The following RAB3GAP1 variants were observed in gnomAD, a reference collection of about 807,000 sequenced individuals.
RAB3GAP1 encodes rab3 GTPase-activating protein catalytic subunit.
A neutral mutation model predicts 130.7 loss-of-function variants in RAB3GAP1; 86 were observed. That is an observed-to-expected ratio of 0.66 (90% CI 0.55 to 0.79). The LOEUF is 0.79. RAB3GAP1 is among the 30% of genes least tolerant of loss of function. The probability of loss-of-function intolerance (pLI) is 0.00; values close to 1 mark genes in which losing one functional copy is unlikely to be tolerated. For missense variants in RAB3GAP1, 1,029 were observed against 1,169.4 expected (o/e 0.88, Z 1.75); for synonymous variants, 367 against 401.7 (o/e 0.91, Z 1.03).
intron 13 of RAB3GAP1, among the ~76,000 whole-genome samples, chr2:135,131,135 G>A (rs529447992): frequency 8.5e-5 from 13 of 152,234 alleles, no homozygotes; most frequent in African/African-American, 2.9e-4. Context: ...GGCTGGAGAA[G>A]TAGCAGGTAA....
chr2:135,082,639 C>T (rs1425501989), intron 3 of RAB3GAP1, among the ~76,000 whole-genome samples: 3 of 151,938 alleles, frequency 2.0e-5, no homozygotes, highest in Non-Finnish European at 4.4e-5. Flanking sequence ...TGGGGTTTCA[C>T]CATGTTGGTC....
intron 17 of RAB3GAP1, among the ~76,000 whole-genome samples, chr2:135,145,861 T>A (rs1691975345): frequency 6.6e-6 from 1 of 152,010 alleles, no homozygotes; most frequent in Admixed American, 6.5e-5. Flanking sequence ...GTACAAGGAG[T>A]TGTGTGCTTT....
chr2:135,122,672 T>C (rs925628043), intron 8 of RAB3GAP1, among the ~76,000 whole-genome samples: 1 of 152,162 alleles, frequency 6.6e-6, no homozygotes, highest in Non-Finnish European at 1.5e-5. Flanking sequence ...TATATCCCAT[T>C]TTGTATAATT....
At chr2:135,172,038 A>G (rs1464411151), downstream of RAB3GAP1, among the ~76,000 whole-genome samples, 1 of 152,218 alleles carries the variant, frequency 6.6e-6, no homozygotes, top group Non-Finnish European at 1.5e-5. Flanking sequence ...TGCAAGGGCC[A>G]GATGTGTAAA....
intron 3 of RAB3GAP1, among the ~76,000 whole-genome samples, chr2:135,084,032 G>T (rs1454078063): frequency 2.0e-5 from 3 of 152,000 alleles, no homozygotes; most frequent in South Asian, 4.1e-4. Context: ...ATCATCTGAG[G>T]TTAGGAGTTC....
Position 135,135,915 on chromosome 2 carries a change from T to A in RAB3GAP1, c.1906T>A (p.Tyr636Asn), listed in dbSNP as rs751227116. ...LTLLHNGEPL[Y>N]IPVTQEPAPM... ...ACTGCTGCATAATGGAGAACCTCTC[T>A]ACATTCCAGTAACCCAGGTAGGATG... The change falls in exon 17 of 24, where the codon TAC becomes AAC. Residue 636 changes from tyrosine (Y) to asparagine (N), a missense_variant. Physicochemically the swap from Tyr to Asn is moderately radical, Grantham distance 143. Coordinates refer to ENST00000264158, the MANE Select transcript of RAB3GAP1 (RefSeq NM_012233.3). The A allele has an allele frequency of 1.2e-6, 2 of 1,614,090 alleles. No homozygotes were observed. The highest frequency in any genetic ancestry group is 3.3e-5 in the Admixed American group (2 of 60,034).
chr2:135,093,527 A>G (rs1690204667), intron 4 of RAB3GAP1, 88 bp from the exon 5 acceptor site: 1 of 964,938 alleles, frequency 1.0e-6, no homozygotes, highest in Non-Finnish European at 1.7e-6. Flanking sequence ...TGCATGATCT[A>G]GCAAGACATG....
intron 5 of RAB3GAP1, among the ~76,000 whole-genome samples, chr2:135,105,577 C>G (rs989259912): frequency 1.3e-5 from 2 of 151,988 alleles, no homozygotes; most frequent in African/African-American, 2.4e-5. Context: ...GATCTCGGCT[C>G]GCTACAACCT....
chr2:135,118,279 A>G (rs953080144), intron 7 of RAB3GAP1, among the ~76,000 whole-genome samples: 1 of 134,064 alleles, frequency 7.5e-6, no homozygotes, highest in Non-Finnish European at 1.7e-5. Context: ...AGCAGTAGTT[A>G]AAAAAAAAAG....
intron 3 of RAB3GAP1, among the ~76,000 whole-genome samples, chr2:135,065,029 C>T (rs758899670): frequency 6.6e-6 from 1 of 151,218 alleles, no homozygotes; most frequent in Non-Finnish European, 1.5e-5. Flanking sequence ...TCTTTGTCAT[C>T]GTACCCTAGA....
chr2:135,168,747 C>G lies in RAB3GAP1; in HGVS notation c.2912C>G (p.Ala971Gly). The G allele has an allele frequency of 6.2e-7, 1 of 1,614,144 alleles. No individual in the cohort carries two copies. Among genetic ancestry groups the G allele is most frequent in the East Asian group, 2.2e-5 (1 of 44,872 alleles). Residue 971 changes from alanine (A) to glycine (G), a missense_variant, in exon 24 of 24, where the codon GCA (alanine) becomes GGA (glycine). Physicochemically the swap from Ala to Gly is moderately conservative, Grantham distance 60. Coordinates refer to ENST00000264158, the MANE Select transcript of RAB3GAP1 (RefSeq NM_012233.3). Reference protein sequence around the residue: ...SVLTKEDFRLAGAFSSDTSFF With the variant: ...SVLTKEDFRLGGAFSSDTSFF The stretch of plus-strand genomic sequence containing the variant: ...CTCACCAAAGAGGACTTTAGACTTG[C>G]AGGTGCCTTTTCATCAGATACTTCC...
chr2:135,146,638 T>C (rs748532969), intron 17 of RAB3GAP1, among the ~76,000 whole-genome samples: 4 of 152,236 alleles, frequency 2.6e-5, no homozygotes, highest in African/African-American at 4.8e-5. Context: ...TTAACAGCAT[T>C]GCTAATACAA....
At chr2:135,065,044 CCT>C (rs918174144) in intron 3 of RAB3GAP1, among the ~76,000 whole-genome samples, 2 of 151,884 alleles carry the variant, frequency 1.3e-5, no homozygotes, top group African/African-American at 4.8e-5. Context: ...CCTAGAATCT[CCT>C]CTGCACATGC....
At chr2:135,107,939 C>T (rs1231953426) in intron 5 of RAB3GAP1, among the ~76,000 whole-genome samples, 1 of 128,606 alleles carries the variant, frequency 7.8e-6, no homozygotes, top group Non-Finnish European at 1.5e-5. Context: ...TGTGCCATTG[C>T]ACTCCAGCCT....
At chr2:135,083,430 A>G (rs886442632) in intron 3 of RAB3GAP1, among the ~76,000 whole-genome samples, 13 of 152,114 alleles carry the variant, frequency 8.5e-5, no homozygotes, top group African/African-American at 2.9e-4. Context: ...TCTACCAGCC[A>G]TGTATAAGAC....
chr2:135,150,299 A>G, intron 17 of RAB3GAP1, 70 bp from the exon 18 acceptor site: 1 of 1,574,788 alleles, frequency 6.4e-7, no homozygotes, highest in Non-Finnish European at 8.7e-7. Flanking sequence ...TGTTGTCTTT[A>G]TTCTATTTTT....
intron 3 of RAB3GAP1, among the ~76,000 whole-genome samples, chr2:135,073,902 C>T (rs564904684): frequency 5.3e-5 from 8 of 152,228 alleles, no homozygotes; most frequent in Admixed American, 2.0e-4. Flanking sequence ...CTGTTGGGGA[C>T]GCAAACTGCA....
At position 135,111,175 on chromosome 2, in the gene RAB3GAP1, A is replaced by G. The variant is rs1366442080; in HGVS notation, c.363-1976A>G. Among the ~76,000 whole-genome samples, 6 of 152,072 alleles carry G rather than the reference A, an allele frequency of 3.9e-5. No homozygotes were observed. In the East Asian group the frequency reaches 1.2e-3, roughly 29 times the overall value. On this transcript the variant is annotated intron_variant, in intron 5 of 23. Coordinates refer to ENST00000264158, the MANE Select transcript of RAB3GAP1 (RefSeq NM_012233.3). The stretch of plus-strand genomic sequence containing the variant: ...ATTAAACTTAATTTTTTAAATCATT[A>G]CTCCTGTTTGGGGCATTTCTTGAGG...
Position 135,150,516 on chromosome 2 carries a change from A to C in RAB3GAP1, c.2061+10A>C. On this transcript the variant is annotated intron_variant, in intron 18 of 23. Coordinates refer to ENST00000264158, the MANE Select transcript of RAB3GAP1 (RefSeq NM_012233.3). ...TATGGAGTCTTTTAAGGTGGGTCAC[A>C]CTTGCAGAGCTCTGGGGTCTATTTT... 1 of 1,613,868 alleles carries C rather than the reference A, an allele frequency of 6.2e-7. No individual in the cohort carries two copies. Among genetic ancestry groups the C allele is most frequent in the Non-Finnish European group, 8.5e-7 (1 of 1,180,012 alleles).
Sources: gnomAD v4.1 joint callset for allele counts (sites outside exome capture counted in the v4.1 genomes callset) on GRCh38, gnomAD v4.1.1 for gene constraint, MANE v1.5 for transcripts, NCBI Gene and HGNC (gene_info 2026-07-23, HGNC 2026-07-21) for gene names.